Variants in SLC12A9 observed in about 807,000 individuals in gnomAD.
SLC12A9 encodes the protein CCC-interacting protein 1.
A neutral mutation model predicts 66.0 loss-of-function variants in SLC12A9; 55 were observed. The observed-to-expected ratio is 0.83, with a 90% CI of 0.67 to 1.04. The LOEUF (loss-of-function observed/expected upper bound fraction) is 1.04. Ranked by LOEUF, SLC12A9 falls within the 50% of genes least tolerant of loss-of-function variation. SLC12A9 has a pLI of 0.00. For synonymous variants in SLC12A9, 577 were observed against 569.0 expected, an observed-to-expected ratio of 1.01 and a Z score of -0.20; for missense variants, 1,061 against 1,241.9, an observed-to-expected ratio of 0.85 and a Z score of 2.19.
At chr7:100,848,810 TGGGAG>T (rs1813984798), upstream of SLC12A9, among the ~76,000 whole-genome samples, 2 of 151,568 alleles carry the variant, frequency 1.3e-5, no homozygotes, top group African/African-American at 4.8e-5. Flanking sequence ...CGCTTCAACC[TGGGAG>T]GCAGAGCTTG....
At position 100,861,342 on chromosome 7, in the gene SLC12A9, G is replaced by A. The variant is rs373320989; in HGVS notation, c.1344-50G>A. On this transcript the variant is annotated intron_variant, in intron 10 of 13. Transcript: ENST00000354161. This position sits in a 1 kb window ranked among gnomAD's most constrained non-coding sequence, Gnocchi z 5.3. The stretch of plus-strand genomic sequence containing the variant: ...GCGTGGGGCTGGGGACTGCAGCCTC[G>A]TGTGCGGCCTGCCCTGAGTTTCTGT... 53 of 1,611,362 alleles carry A rather than the reference G, an allele frequency of 3.3e-5. No homozygotes were observed. Among genetic ancestry groups the A allele is most frequent in the Middle Eastern group, 1.7e-4 (1 of 6,056 alleles).
At chr7:100,833,351 C>T (rs1813580508) in intron 1 of SLC12A9, among the ~76,000 whole-genome samples, 1 of 151,924 alleles carries the variant, frequency 6.6e-6, no homozygotes, top group Admixed American at 6.6e-5. Flanking sequence ...CGCCTGTAAT[C>T]CCAGCTACTC....
intron 1 of SLC12A9, among the ~76,000 whole-genome samples, chr7:100,830,131 C>T (rs1429122189): frequency 1.3e-5 from 2 of 152,132 alleles, no homozygotes; most frequent in African/African-American, 4.8e-5. Context: ...GCAGGCGGAT[C>T]ACCTGAGGTC....
At chr7:100,831,170 C>A (rs1813536668) in intron 1 of SLC12A9, among the ~76,000 whole-genome samples, 1 of 152,080 alleles carries the variant, frequency 6.6e-6, no homozygotes. Context: ...TTTTCTTTTT[C>A]TTTTCTTTTG....
upstream of SLC12A9, among the ~76,000 whole-genome samples, chr7:100,848,862 G>T (rs1394993250): frequency 6.6e-6 from 1 of 151,650 alleles, no homozygotes; most frequent in Non-Finnish European, 1.5e-5. Context: ...CTCCAGCCTG[G>T]GTGACAGAGC....
rs1310289551 is a variant in SLC12A9 at position 100,862,779 on chromosome 7, C to G, written c.1810C>G (p.Pro604Ala). Residue 604 changes from proline to alanine, a missense_variant, in exon 13 of 14, where the codon CCC (proline) becomes GCC (alanine). Pro to Ala is a conservative substitution (Grantham distance 27). Coordinates refer to ENST00000354161, the MANE Select transcript of SLC12A9 (RefSeq NM_020246.4). ...VKAFVDLTLSPSVRQGAQHLL... is the reference protein window; with the variant it reads ...VKAFVDLTLSASVRQGAQHLL... ...GGCTTTTGTGGATCTAACCCTCTCA[C>G]CCTCCGTGCGCCAGGGGGCTCAGCA... 1.2e-6 allele frequency: 2 copies of G among 1,614,194 alleles called. No individual in the cohort carries two copies. Among genetic ancestry groups the G allele is most frequent in the Non-Finnish European group, 1.7e-6 (2 of 1,180,030 alleles).
chr7:100,861,277 T>C lies in SLC12A9; in HGVS notation c.1343+15T>C, dbSNP rs1449416200. 1 of 1,613,986 alleles carries C rather than the reference T, an allele frequency of 6.2e-7. No individual in the cohort carries two copies. The highest frequency in any genetic ancestry group is 1.3e-5 in the African/African-American group (1 of 74,908). Reference sequence around the variant, plus strand: ...CCCAACTTCCGGTGAGAGACTCAGATCTGTGTCCCCAGAGAGAAGAAGGGA... The same window carrying C: ...CCCAACTTCCGGTGAGAGACTCAGACCTGTGTCCCCAGAGAGAAGAAGGGA... On this transcript the variant is annotated intron_variant, in intron 10 of 13. Coordinates refer to ENST00000354161, the MANE Select transcript of SLC12A9 (RefSeq NM_020246.4). This position sits in a 1 kb window ranked among gnomAD's most constrained non-coding sequence, Gnocchi z 5.3.
chr7:100,849,876 C>G (rs576567257), upstream of SLC12A9, among the ~76,000 whole-genome samples: 2 of 151,738 alleles, frequency 1.3e-5, no homozygotes, highest in African/African-American at 4.8e-5. Context: ...ATCTTCCCTT[C>G]CCTTTTTTTT....
At chr7:100,860,736 A>G (rs1048764815) in intron 9 of SLC12A9, 1 of 382,108 alleles carries the variant, frequency 2.6e-6, no homozygotes, top group African/African-American at 2.1e-5. Flanking sequence ...GTTCATTGAC[A>G]CTTTGGGGTG....
At chr7:100,848,729 A>G (rs1307969813), upstream of SLC12A9, among the ~76,000 whole-genome samples, 2 of 151,720 alleles carry the variant, frequency 1.3e-5, no homozygotes. Flanking sequence ...CACTAAAAAT[A>G]CAAAAAATTA....
rs1472482964 is a variant in SLC12A9, at chr7:100,866,578, C to G, written c.2718C>G (p.Val906=). 6.3e-7 allele frequency: 1 copy of G among 1,587,040 alleles called. No individual in the cohort carries two copies. Among genetic ancestry groups the G allele is most frequent in the Non-Finnish European group, 8.6e-7 (1 of 1,167,906 alleles). ...DLGPTLLVHG[V]TPVTCTDL ...GCCCCACGCTGCTGGTTCATGGGGT[C>G]ACTCCAGTCACCTGCACTGATCTGT... The change falls in exon 14 of 14, where the codon GTC becomes GTG. Residue 906 remains valine (V), a synonymous_variant. Transcript: ENST00000354161. This position sits in a 1 kb window ranked among gnomAD's most constrained non-coding sequence, Gnocchi z 7.3.
chr7:100,833,498 AAAAAC>A (rs943222060), intron 1 of SLC12A9, among the ~76,000 whole-genome samples: 3 of 150,976 alleles, frequency 2.0e-5, no homozygotes, highest in African/African-American at 4.9e-5. Flanking sequence ...CAAAAAGCAA[AAAAAC>A]AAAACAAAAC....
intron 1 of SLC12A9, among the ~76,000 whole-genome samples, chr7:100,841,999 G>A (rs1813801055): frequency 6.6e-6 from 1 of 151,666 alleles, no homozygotes; most frequent in Admixed American, 6.6e-5. Flanking sequence ...TAGAATTTCC[G>A]GTAAACCAGC....
chr7:100,865,632 C>G, intron 13 of SLC12A9, 87 bp from the exon 14 acceptor site: 1 of 1,554,878 alleles, frequency 6.4e-7, no homozygotes, highest in Non-Finnish European at 8.7e-7. Context: ...GCTGACGCAC[C>G]TTGCTGTCAG....
chr7:100,857,371 A>G, intron 5 of SLC12A9, 195 bp downstream of exon 5: 1 of 626,436 alleles, frequency 1.6e-6, no homozygotes, highest in Non-Finnish European at 2.7e-6. Context: ...AAGCCCACAA[A>G]ACAGTCCCTG....
At chr7:100,842,854 T>G (rs1813815174) in intron 1 of SLC12A9, among the ~76,000 whole-genome samples, 1 of 152,214 alleles carries the variant, frequency 6.6e-6, no homozygotes, top group Non-Finnish European at 1.5e-5. Flanking sequence ...TTTCCAGGAT[T>G]CTACAGCCTG....
At position 100,866,716 on chromosome 7, in the gene SLC12A9, G is replaced by A. The variant is rs978767862; in HGVS notation, c.*111G>A. On this transcript the variant is annotated 3_prime_UTR_variant, in exon 14 of 14. Transcript: ENST00000354161. This position sits in a 1 kb window ranked among gnomAD's most constrained non-coding sequence, Gnocchi z 7.3. ...TGGCCCGTGGCCCTGCCCTTGGGAC[G>A]TGGAGCCCAGGGGAGGTTTGAAGGG... 4 of 1,201,250 alleles carry A rather than the reference G, an allele frequency of 3.3e-6. No homozygotes were observed. Among genetic ancestry groups the A allele is most frequent in the South Asian group, 3.4e-5 (2 of 59,312 alleles). The allele number at this position is 1,201,250 out of a possible 1,614,324, so 74.4% of individuals were successfully genotyped here.
At chr7:100,856,804 C>A in intron 4 of SLC12A9, 64 bp from the exon 5 acceptor site, 1 of 1,469,918 alleles carries the variant, frequency 6.8e-7, no homozygotes, top group Non-Finnish European at 9.1e-7. Context: ...GAGCCGCCCA[C>A]CATGCCCGGC....
chr7:100,855,601 G>A, intron 3 of SLC12A9, 105 bp from the exon 4 acceptor site: 2 of 1,509,978 alleles, frequency 1.3e-6, no homozygotes, highest in South Asian at 2.4e-5. Context: ...AAAGCCACAT[G>A]GCTGGGGCCT....
Sources: allele counts gnomAD v4.1 joint callset (sites outside exome capture counted in the v4.1 genomes callset), GRCh38; gene constraint gnomAD v4.1.1; non-coding constraint Gnocchi (gnomAD v3.1); transcripts MANE v1.5; gene names NCBI Gene and HGNC (gene_info 2026-07-23, HGNC 2026-07-21).